CCDC178: variants seen among roughly 807,000 people sequenced by gnomAD.
CCDC178 encodes coiled-coil domain containing 178.
A neutral mutation model predicts 117.4 loss-of-function variants in CCDC178; 126 were observed. The ratio of observed to expected loss-of-function variants is 1.07; its 90% confidence interval spans 0.93 to 1.24. The LOEUF (loss-of-function observed/expected upper bound fraction) is 1.24. Among genes scored for constraint, CCDC178 ranks in the 50% most tolerant of loss-of-function variants. The probability of loss-of-function intolerance (pLI) is 0.00; values close to 1 mark genes in which losing one functional copy is unlikely to be tolerated. For synonymous variants in CCDC178, 283 were observed against 313.4 expected (o/e 0.90, Z 1.02); for missense variants, 1,030 against 986.9 (o/e 1.04, Z -0.59).
At chr18:33,039,520 C>T (rs779235691) in intron 21 of CCDC178, among the ~76,000 whole-genome samples, 16 of 151,946 alleles carry the variant, frequency 1.1e-4, no homozygotes, top group African/African-American at 3.6e-4. Context: ...CTGCATGAGG[C>T]CCCTATGCAT....
Position 32,988,358 on chromosome 18 carries a change from C to T in CCDC178, c.2389-13677G>A, listed in dbSNP as rs139426234. ...GGCTGAGGCAGGAGAATCGCTTGAACCCAGGAGGCGGAGGTTGCAGCGAGC... is the reference window on the plus strand; with the variant it reads ...GGCTGAGGCAGGAGAATCGCTTGAATCCAGGAGGCGGAGGTTGCAGCGAGC... On this transcript the variant is annotated intron_variant, in intron 21 of 22. Coordinates refer to ENST00000383096, the MANE Select transcript of CCDC178 (RefSeq NM_001105528.4). Among the ~76,000 whole-genome samples the T allele has an allele frequency of 9.2e-3, 1,402 of 151,996 alleles. 21 individuals carry two copies. The highest frequency in any genetic ancestry group is 0.032 in the African/African-American group (1,346 of 41,460).
In CCDC178 at chr18:33,323,632, A is replaced by G; in HGVS notation, c.881T>C (p.Val294Ala). 6.8e-7 allele frequency: 1 copy of G among 1,475,962 alleles called. No individual in the cohort carries two copies. 91.4% of individuals were successfully genotyped at this position (1,475,962 alleles called of 1,614,324 possible). ...LKNHYKKKME[V>A]MDLHRKVNEE... ...ATTAACTTTTCTGTGTAGGTCCATT[A>G]CCTAGAAATGAAAATATTTTTGCTT... is the stretch of plus-strand genomic sequence containing the variant. Residue 294 changes from valine (V) to alanine (A), a missense_variant and splice_region_variant, in exon 11 of 23, where the codon GTA (valine) becomes GCA (alanine). Physicochemically the swap from Val to Ala is moderately conservative, Grantham distance 64. Transcript: ENST00000383096.
chr18:33,350,876 A>T (rs2062967061), intron 7 of CCDC178, among the ~76,000 whole-genome samples: 1 of 152,144 alleles, frequency 6.6e-6, no homozygotes, highest in Non-Finnish European at 1.5e-5. Context: ...ACTATTTTAT[A>T]TTCACGCCAG....
intron 20 of CCDC178, among the ~76,000 whole-genome samples, chr18:33,178,249 A>AG (rs2058686979): frequency 6.6e-6 from 1 of 152,150 alleles, no homozygotes; most frequent in African/African-American, 2.4e-5. Flanking sequence ...TAGAAACCTG[A>AG]GACTTATCCT....
At chr18:33,073,634 A>C (rs2057153370) in intron 21 of CCDC178, among the ~76,000 whole-genome samples, 1 of 152,040 alleles carries the variant, frequency 6.6e-6, no homozygotes, top group South Asian at 2.1e-4. Context: ...GGTATGCATA[A>C]ACATTTTGTT....
intron 21 of CCDC178, among the ~76,000 whole-genome samples, chr18:32,986,802 T>G (rs975483113): frequency 2.6e-5 from 4 of 151,986 alleles, no homozygotes; most frequent in African/African-American, 9.7e-5. Flanking sequence ...TCATGGAAAC[T>G]AAAATGTTTT....
chr18:33,342,774 G>T (rs937962500), intron 9 of CCDC178, among the ~76,000 whole-genome samples: 46 of 152,290 alleles, frequency 3.0e-4, no homozygotes, highest in Middle Eastern at 6.8e-3. Flanking sequence ...AATGCTTATT[G>T]TTGTAAGCCA....
intron 4 of CCDC178, among the ~76,000 whole-genome samples, chr18:33,391,739 A>G (rs1037792169): frequency 2.0e-5 from 3 of 152,212 alleles, no homozygotes; most frequent in African/African-American, 7.2e-5. Context: ...ATGTTAATGT[A>G]TTCAAAACAG....
chr18:32,963,690 G>A (rs2054752587), intron 22 of CCDC178, among the ~76,000 whole-genome samples: 1 of 151,986 alleles, frequency 6.6e-6, no homozygotes, highest in Admixed American at 6.6e-5. Flanking sequence ...CTCCTTCAGA[G>A]AACGGCCTTC....
chr18:33,063,208 G>A (rs1318851575), intron 21 of CCDC178, among the ~76,000 whole-genome samples: 1 of 152,110 alleles, frequency 6.6e-6, no homozygotes, highest in Admixed American at 6.5e-5. Context: ...TACCCTGCCT[G>A]CCATTGCCAG....
At chr18:33,262,802 T>C (rs924345959) in intron 14 of CCDC178, among the ~76,000 whole-genome samples, 18 of 152,174 alleles carry the variant, frequency 1.2e-4, no homozygotes, top group Admixed American at 3.9e-4. Flanking sequence ...TTTGTAATTG[T>C]TATTATTTGA....
chr18:33,438,793 C>A (rs1253707513), intron 2 of CCDC178, among the ~76,000 whole-genome samples: 3 of 152,142 alleles, frequency 2.0e-5, no homozygotes, highest in African/African-American at 7.2e-5. Flanking sequence ...CCTGCTCATT[C>A]ACCATACATC....
At chr18:33,344,310 C>CAAA (rs58987470) in intron 9 of CCDC178, among the ~76,000 whole-genome samples, 28 of 80,766 alleles carry the variant, frequency 3.5e-4, no homozygotes, top group Non-Finnish European at 4.4e-4. Context: ...GACTCCGTCT[C>CAAA]AAAAAAAAAA....
At position 33,289,325 on chromosome 18, in the gene CCDC178, A is replaced by T. The variant is rs180771057; in HGVS notation, c.1176+3834T>A. Among the ~76,000 whole-genome samples the T allele has an allele frequency of 3.1e-3, 479 of 152,278 alleles. 1 individual carries two copies. Among genetic ancestry groups the T allele is most frequent in the African/African-American group, 5.8e-3 (243 of 41,564 alleles). On this transcript the variant is annotated intron_variant, in intron 12 of 22. Transcript: ENST00000383096. ...AAGAGGTAGAGTTTAAAAATAATTT[A>T]AAAAAATGGCTGGGCAGGGTGGCTC...
At chr18:33,271,471 G>T (rs2059889031) in intron 12 of CCDC178, among the ~76,000 whole-genome samples, 1 of 151,504 alleles carries the variant, frequency 6.6e-6, no homozygotes, top group South Asian at 2.1e-4. Flanking sequence ...AGCTGAAGTG[G>T]CTAGATTAAT....
intron 11 of CCDC178, 32 bp downstream of exon 11, chr18:33,323,459 T>C: frequency 7.4e-7 from 1 of 1,345,926 alleles, no homozygotes; most frequent in African/African-American, 1.5e-5. Context: ...AATTTCTAAA[T>C]GCTATAATTA....
At chr18:33,345,456 A>C (rs1414086062) in intron 9 of CCDC178, among the ~76,000 whole-genome samples, 1 of 152,114 alleles carries the variant, frequency 6.6e-6, no homozygotes, top group South Asian at 2.1e-4. Context: ...ACTCTTAGAA[A>C]CATTTTAGGT....
chr18:33,061,632 A>T (rs1302328940), intron 21 of CCDC178, among the ~76,000 whole-genome samples: 1 of 152,216 alleles, frequency 6.6e-6, no homozygotes, highest in African/African-American at 2.4e-5. Flanking sequence ...ACAAAGAAAA[A>T]GGGTTAGAAT....
At chr18:33,095,957 C>T (rs1018429983) in intron 20 of CCDC178, among the ~76,000 whole-genome samples, 15 of 151,890 alleles carry the variant, frequency 9.9e-5, no homozygotes, top group Non-Finnish European at 1.9e-4. Context: ...TTAAACTGTA[C>T]ACAGCATTTT....
Sources: allele counts gnomAD v4.1 joint callset (sites outside exome capture counted in the v4.1 genomes callset), GRCh38; gene constraint gnomAD v4.1.1; transcripts MANE v1.5; gene names NCBI Gene and HGNC (gene_info 2026-07-23, HGNC 2026-07-21).